DHX29: variants seen among roughly 807,000 people sequenced by gnomAD.
The protein encoded by DHX29 is DExH-box helicase 29.
In DHX29, 79 loss-of-function variants were observed where a neutral mutation model predicts 167.9. The ratio of observed to expected loss-of-function variants is 0.47; its 90% CI spans 0.39 to 0.57. The LOEUF is 0.57. Ranked by LOEUF, DHX29 falls within the 20% of genes least tolerant of loss-of-function variation. The pLI is 0.00. For synonymous variants in DHX29, 530 were observed against 546.0 expected (o/e 0.97, Z 0.41); for missense variants, 1,347 against 1,593.4 (o/e 0.85, Z 2.63).
chr5:55,287,480 G>C (rs919908690), intron 8 of DHX29, among the ~76,000 whole-genome samples: 1 of 151,972 alleles, frequency 6.6e-6, no homozygotes, highest in Non-Finnish European at 1.5e-5. Context: ...ACTACTGAAA[G>C]AATGAATAAT....
In DHX29 at chr5:55,283,753, GCATCACTC is replaced by G; in HGVS notation, c.1407_1414del (p.Trp469CysfsTer10). On this transcript the variant is annotated frameshift_variant, in exon 11 of 27. Transcript: ENST00000251636. LOFTEE classifies it high-confidence loss of function. ...ATTTAATTCTTCCCTTTTCTTTTCT[GCATCACTC>G]CACTCCAGCCAAACATCTCGGTAAG... 6.2e-7 allele frequency: 1 copy of G among 1,612,898 alleles called. No individual in the cohort carries two copies. Among genetic ancestry groups the G allele is most frequent in the Non-Finnish European group, 8.5e-7 (1 of 1,179,700 alleles).
At chr5:55,261,619 T>C (rs1449488551) in intron 24 of DHX29, 120 bp from the exon 25 acceptor site, 5 of 692,442 alleles carry the variant, frequency 7.2e-6, no homozygotes, top group African/African-American at 1.8e-5. Flanking sequence ...CTCAGAGTAT[T>C]TGTAAAGCTA....
In DHX29 at chr5:55,307,517, G is replaced by A. The variant is rs907957488; in HGVS notation, c.57C>T (p.Ala19=). Residue 19 remains alanine (A), a synonymous_variant, in exon 1 of 27, where the codon GCC becomes GCT. Coordinates refer to ENST00000251636, the MANE Select transcript of DHX29 (RefSeq NM_019030.4). ...KAPAAAVVRA[A]VSASRAKSAE... Reference sequence around the variant, plus strand: ...CAGATTTGGCTCTGGAAGCAGACACGGCGGCCCGGACCACCGCGGCCGCTG... The same window carrying A: ...CAGATTTGGCTCTGGAAGCAGACACAGCGGCCCGGACCACCGCGGCCGCTG... The A allele has an allele frequency of 6.8e-6, 11 of 1,613,486 alleles. No individual in the cohort carries two copies. Among genetic ancestry groups the A allele is most frequent in the Middle Eastern group, 1.7e-4 (1 of 6,056 alleles).
chr5:55,301,586 G>T (rs1315738953), intron 1 of DHX29, among the ~76,000 whole-genome samples: 2 of 152,026 alleles, frequency 1.3e-5, no homozygotes, highest in African/African-American at 4.8e-5. Context: ...GGTGGTGCAT[G>T]CCTGTAATCC....
At chr5:55,274,438 A>C (rs77939330) in intron 16 of DHX29, among the ~76,000 whole-genome samples, 176 bp downstream of exon 16, 1,577 of 152,222 alleles carry the variant, frequency 0.01, 24 homozygotes, top group African/African-American at 0.035. Context: ...AGTACCTAAA[A>C]ATTTTTAGTA....
At chr5:55,283,925 T>A in intron 10 of DHX29, 114 bp from the exon 11 acceptor site, 1 of 810,608 alleles carries the variant, frequency 1.2e-6, no homozygotes, top group South Asian at 2.3e-5. Flanking sequence ...TGACTCAAAT[T>A]ATTATTACTT....
At chr5:55,305,087 A>G (rs1748795391) in intron 1 of DHX29, among the ~76,000 whole-genome samples, 1 of 152,224 alleles carries the variant, frequency 6.6e-6, no homozygotes, top group South Asian at 2.1e-4. Context: ...ACAGCACTAG[A>G]GTAGATACTG....
intron 5 of DHX29, 36 bp from the exon 6 acceptor site, chr5:55,294,181 T>A (rs1338421167): frequency 6.5e-7 from 1 of 1,545,750 alleles, no homozygotes; most frequent in Admixed American, 2.0e-5. Flanking sequence ...AAAACCAAAG[T>A]TAGAAAAAGG....
In DHX29 at chr5:55,267,120, A is replaced by G. The variant is rs749105446; in HGVS notation, c.3525+18T>C. 6 of 1,504,864 alleles carry G rather than the reference A, an allele frequency of 4.0e-6. No homozygotes were observed. The highest frequency in any genetic ancestry group is 5.5e-6 in the Non-Finnish European group (6 of 1,091,536). The allele number at this position is 1,504,864 out of a possible 1,614,324, so 93.2% of individuals were successfully genotyped here. ...AGTTACCCATGACTCTGAGTGAGAGATCCATATTAAGAATTACCTCTAGGG... is the reference window on the plus strand; with the variant it reads ...AGTTACCCATGACTCTGAGTGAGAGGTCCATATTAAGAATTACCTCTAGGG... On this transcript the variant is annotated intron_variant, in intron 23 of 26. Coordinates refer to ENST00000251636, the MANE Select transcript of DHX29 (RefSeq NM_019030.4).
chr5:55,274,715 G>T lies in DHX29; in HGVS notation c.2589C>A (p.Phe863Leu). Residue 863 changes from phenylalanine (F) to leucine (L), a missense_variant, in exon 16 of 27, where the codon TTC becomes TTA. Phe to Leu is a conservative substitution (Grantham distance 22). Around this residue, in one of 3 missense-constraint regions of DHX29, gnomAD observed 882 missense variants for 1,082.4 expected, o/e 0.81. Transcript: ENST00000251636. ...LLAYLDKSPQ[F>L]RNIEGAVLIF... ...TCAATACTGCTCCTTCAATATTTCT[G>T]AATTGGGGACTTTTATCTGAAATTT... The T allele has an allele frequency of 1.3e-6, 2 of 1,591,248 alleles. No individual in the cohort carries two copies. Among genetic ancestry groups the T allele is most frequent in the South Asian group, 2.3e-5 (2 of 85,986 alleles).
intron 24 of DHX29, 23 bp downstream of exon 24, chr5:55,262,607 G>A (rs1746361056): frequency 1.9e-6 from 3 of 1,609,808 alleles, no homozygotes; most frequent in Middle Eastern, 3.3e-4. Context: ...CTGAATACTG[G>A]AATTTAGGAA....
rs530041217 is a variant in DHX29 at position 55,306,741 on chromosome 5, G to A, written c.187+646C>T. 2.0e-5 allele frequency among the ~76,000 whole-genome samples: 3 copies of A among 152,300 alleles called. No homozygotes were observed. The East Asian group carries it at 5.8e-4, about 29-fold the overall frequency. On this transcript the variant is annotated intron_variant, in intron 1 of 26. Transcript: ENST00000251636. ...GAGAAGAACACAACAGAATGTAATT[G>A]TTCATCTTTTGAGCTCAACCGTAAT...
intron 12 of DHX29, among the ~76,000 whole-genome samples, chr5:55,277,680 C>T (rs1036293476): frequency 2.6e-5 from 4 of 151,962 alleles, no homozygotes; most frequent in African/African-American, 4.8e-5. Flanking sequence ...CCGACGCGGG[C>T]GGATAACCTG....
intron 26 of DHX29, among the ~76,000 whole-genome samples, chr5:55,259,150 A>AT (rs961058264): frequency 1.2e-4 from 18 of 151,452 alleles, no homozygotes; most frequent in African/African-American, 3.6e-4. Context: ...TTGGCTTATT[A>AT]TTTTTTTTTA....
chr5:55,305,288 T>C (rs1748804292), intron 1 of DHX29, among the ~76,000 whole-genome samples: 1 of 152,210 alleles, frequency 6.6e-6, no homozygotes, highest in African/African-American at 2.4e-5. Context: ...GAAATGGGTA[T>C]TTTAAGGTTT....
In DHX29 at chr5:55,298,682, C is replaced by T; in HGVS notation, c.188-18G>A. The T allele has an allele frequency of 8.1e-7, 1 of 1,233,040 alleles. No homozygotes were observed. Among genetic ancestry groups the T allele is most frequent in the Non-Finnish European group, 1.2e-6 (1 of 841,672 alleles). The allele number at this position is 1,233,040 out of a possible 1,614,324, so 76.4% of individuals were successfully genotyped here. A position where few individuals can be genotyped will look rare whatever the true frequency, so the allele number is the denominator to read the frequency against. ...TTTTGGACCTGTAAATACAAATAGA[C>T]AAGGCAATTTAATGATTAATATCTA... On this transcript the variant is annotated intron_variant, in intron 1 of 26. Coordinates refer to ENST00000251636, the MANE Select transcript of DHX29 (RefSeq NM_019030.4).
In DHX29 at chr5:55,282,951, A is replaced by G. The variant is rs544403719; in HGVS notation, c.1965+252T>C. The G allele has an allele frequency of 7.7e-4, 223 of 289,244 alleles. 1 individual carries two copies. Among genetic ancestry groups the G allele is most frequent in the Middle Eastern group, 6.4e-3 (6 of 940 alleles). The allele number at this position is 289,244 out of a possible 1,614,324, so 17.9% of individuals were successfully genotyped here. ...TAGTGTGTAACATATTTGAATATTC[A>G]ATTATTATAGTTAATATATTTTTTC... On this transcript the variant is annotated intron_variant, in intron 11 of 26. Coordinates refer to ENST00000251636, the MANE Select transcript of DHX29 (RefSeq NM_019030.4).
intron 1 of DHX29, among the ~76,000 whole-genome samples, chr5:55,306,492 T>C (rs1748869141): frequency 6.6e-6 from 1 of 152,078 alleles, no homozygotes; most frequent in Non-Finnish European, 1.5e-5. Context: ...TGGCTTTTCT[T>C]TGTGGCACTT....
intron 5 of DHX29, chr5:55,294,880 C>G (rs993109617): frequency 6.5e-6 from 1 of 153,564 alleles, no homozygotes; most frequent in African/African-American, 2.4e-5. Context: ...GTCAATGGGA[C>G]ATTAGCAAGA....
Sources: allele counts gnomAD v4.1 joint callset (sites outside exome capture counted in the v4.1 genomes callset), GRCh38; gene constraint gnomAD v4.1.1; regional missense constraint gnomAD v4.1.1; transcripts MANE v1.5; gene names NCBI Gene and HGNC (gene_info 2026-07-23, HGNC 2026-07-21).